NIPSNAP2: variants seen among roughly 807,000 people sequenced by gnomAD.
NIPSNAP2 encodes nipsnap homolog 2.
In NIPSNAP2, 42 loss-of-function variants were observed where a neutral mutation model predicts 48.4. The observed-to-expected ratio is 0.87, with a 90% CI of 0.68 to 1.12. NIPSNAP2 has a LOEUF of 1.12. Among genes scored for constraint, NIPSNAP2 ranks in the 50% most tolerant of loss-of-function variants. The pLI, the probability that NIPSNAP2 is intolerant of heterozygous loss-of-function variation, is 0.00. For synonymous variants in NIPSNAP2, 158 were observed against 126.6 expected (o/e 1.25, Z -1.67); for missense variants, 314 against 347.3 (o/e 0.90, Z 0.76).
At chr7:55,980,014 T>C in intron 3 of NIPSNAP2, 1 of 371,058 alleles carries the variant, frequency 2.7e-6, no homozygotes, top group South Asian at 2.0e-5. Context: ...GGACCCCACC[T>C]GAATCATGTG....
chr7:55,976,402 G>A (rs1010794354), intron 1 of NIPSNAP2, among the ~76,000 whole-genome samples: 8 of 152,202 alleles, frequency 5.3e-5, no homozygotes, highest in African/African-American at 1.9e-4. Flanking sequence ...ATGAATATTT[G>A]TATGCATTCA....
chr7:55,998,702 T>C (rs192143957), intron 9 of NIPSNAP2, among the ~76,000 whole-genome samples: 49 of 152,146 alleles, frequency 3.2e-4, no homozygotes, highest in African/African-American at 1.1e-3. Flanking sequence ...GGTTTCACCC[T>C]GTTGGCCAGG....
intron 7 of NIPSNAP2, among the ~76,000 whole-genome samples, chr7:55,987,003 A>AAAC: frequency 6.7e-6 from 1 of 149,474 alleles, no homozygotes; most frequent in Non-Finnish European, 1.5e-5. Flanking sequence ...AAAAAAAAAA[A>AAAC]AAAAAAACTT....
In NIPSNAP2 at chr7:55,983,752, A is replaced by G. The variant is rs1386045070; in HGVS notation, c.469A>G (p.Arg157Gly). The change falls in exon 6 of 10, where the codon AGA becomes GGA. Residue 157 changes from arginine (R) to glycine (G), a missense_variant. Physicochemically the swap from Arg to Gly is moderately radical, Grantham distance 125. Coordinates refer to ENST00000322090, the MANE Select transcript of NIPSNAP2 (RefSeq NM_001483.3). ...NKEFLEFRKARSDMLLSRKNQ... is the reference protein window; with the variant it reads ...NKEFLEFRKAGSDMLLSRKNQ... Reference sequence around the variant, plus strand: ...GGAATTTTTGGAATTTCGTAAGGCAAGAAGTGACATGCTTCTCTCCAGGAA... The same window carrying G: ...GGAATTTTTGGAATTTCGTAAGGCAGGAAGTGACATGCTTCTCTCCAGGAA... 1 of 1,614,060 alleles carries G rather than the reference A, an allele frequency of 6.2e-7. No homozygotes were observed. The highest frequency in any genetic ancestry group is 1.1e-5 in the South Asian group (1 of 91,024).
intron 7 of NIPSNAP2, among the ~76,000 whole-genome samples, chr7:55,986,206 A>G (rs2116360424): frequency 6.6e-6 from 1 of 151,724 alleles, no homozygotes; most frequent in Admixed American, 6.6e-5. Flanking sequence ...AACTCTACAA[A>G]AAAATACAAA....
chr7:55,982,421 T>C (rs1023963296), intron 5 of NIPSNAP2, 141 bp downstream of exon 5: 1 of 610,912 alleles, frequency 1.6e-6, no homozygotes, highest in Non-Finnish European at 3.0e-6. Context: ...CTCCTGAAGT[T>C]GTATTTAAAC....
At chr7:55,981,362 A>T (rs1361978007) in intron 3 of NIPSNAP2, 111 bp from the exon 4 acceptor site, 4 of 718,310 alleles carry the variant, frequency 5.6e-6, no homozygotes, top group Non-Finnish European at 1.0e-5. Flanking sequence ...TTCTAAGGTC[A>T]GTTGTTAGAA....
At chr7:55,998,126 C>G (rs1787602262) in intron 9 of NIPSNAP2, among the ~76,000 whole-genome samples, 1 of 151,970 alleles carries the variant, frequency 6.6e-6, no homozygotes, top group African/African-American at 2.4e-5. Flanking sequence ...TCGAGACCAG[C>G]CTGACGAACA....
intron 1 of NIPSNAP2, among the ~76,000 whole-genome samples, chr7:55,971,956 T>G (rs1007559003): frequency 6.6e-6 from 1 of 152,174 alleles, no homozygotes; most frequent in Non-Finnish European, 1.5e-5. Context: ...TACAATTTAT[T>G]TAACAAAAAA....
intron 1 of NIPSNAP2, among the ~76,000 whole-genome samples, chr7:55,965,791 G>C (rs1250767225): frequency 6.6e-6 from 1 of 152,144 alleles, no homozygotes; most frequent in Non-Finnish European, 1.5e-5. Context: ...ATGTTGGTCA[G>C]GCTGATCTCG....
chr7:55,966,655 G>A (rs924313344), intron 1 of NIPSNAP2, among the ~76,000 whole-genome samples: 1 of 152,078 alleles, frequency 6.6e-6, no homozygotes, highest in Non-Finnish European at 1.5e-5. Context: ...GGTGGCACAC[G>A]CCTGTAGTCC....
At chr7:55,989,436 G>A (rs1355336457) in intron 7 of NIPSNAP2, among the ~76,000 whole-genome samples, 1 of 152,082 alleles carries the variant, frequency 6.6e-6, no homozygotes, top group South Asian at 2.1e-4. Flanking sequence ...ACCAGCCTTG[G>A]CAACATGGTG....
intron 7 of NIPSNAP2, among the ~76,000 whole-genome samples, chr7:55,989,112 C>G (rs1300610780): frequency 6.6e-6 from 1 of 152,162 alleles, no homozygotes; most frequent in Non-Finnish European, 1.5e-5. Flanking sequence ...AAATGCCCAT[C>G]AGCAGAGGGT....
chr7:55,978,469 G>A (rs1262928288), intron 3 of NIPSNAP2, 74 bp downstream of exon 3: 3 of 1,232,038 alleles, frequency 2.4e-6, no homozygotes, highest in African/African-American at 1.5e-5. Context: ...ACTAACACTT[G>A]ATAGCATAGA....
Position 55,994,922 on chromosome 7 carries a change from G to A in NIPSNAP2, c.646G>A (p.Gly216Ser), listed in dbSNP as rs1787527651. The change falls in exon 8 of 10, where the codon GGT becomes AGT. Residue 216 changes from glycine (G) to serine (S), a missense_variant. Gly to Ser is a moderately conservative substitution (Grantham distance 56). Around this residue, in one of 2 missense-constraint regions of NIPSNAP2, gnomAD observed 116 missense variants for 161.8 expected, o/e 0.72. Coordinates refer to ENST00000322090, the MANE Select transcript of NIPSNAP2 (RefSeq NM_001483.3). ...TCGTGCAATCCGCTTCAGACAGGAT[G>A]GTAACGAAGCCGTCGGAGGATTCTT... ...WARAIRFRQD[G>S]NEAVGGFFSQ... The A allele has an allele frequency of 6.2e-7, 1 of 1,614,032 alleles. No individual in the cohort carries two copies. Among genetic ancestry groups the A allele is most frequent in the African/African-American group, 1.3e-5 (1 of 74,934 alleles).
chr7:55,971,218 T>C (rs1787010439), intron 1 of NIPSNAP2, among the ~76,000 whole-genome samples: 1 of 152,190 alleles, frequency 6.6e-6, no homozygotes, highest in African/African-American at 2.4e-5. Flanking sequence ...AGGTTGGGCA[T>C]GTTAGGCAGC....
At chr7:55,997,033 C>A (rs1787576451) in intron 8 of NIPSNAP2, among the ~76,000 whole-genome samples, 1 of 152,016 alleles carries the variant, frequency 6.6e-6, no homozygotes. Context: ...GTAGCACATT[C>A]CTGTAGTCCC....
intron 7 of NIPSNAP2, 104 bp from the exon 8 acceptor site, chr7:55,994,790 T>A (rs1256559446): frequency 2.2e-6 from 2 of 890,556 alleles, no homozygotes; most frequent in Admixed American, 3.7e-5. Flanking sequence ...CCATTAGTCT[T>A]CATTTTAAAC....
intron 3 of NIPSNAP2, chr7:55,980,719 G>A (rs143785622): frequency 6.6e-6 from 1 of 152,248 alleles, no homozygotes; most frequent in East Asian, 1.9e-4. Flanking sequence ...GCCGTGACCT[G>A]TCATGGCTTT....
Sources: gnomAD v4.1 joint callset for allele counts (sites outside exome capture counted in the v4.1 genomes callset) on GRCh38, gnomAD v4.1.1 for gene constraint, gnomAD v4.1.1 regional missense constraint, MANE v1.5 for transcripts, NCBI Gene and HGNC (gene_info 2026-07-23, HGNC 2026-07-21) for gene names.